PUDP: variants seen among roughly 807,000 people sequenced by gnomAD.
PUDP encodes the protein pseudouridine-5'-phosphatase.
In PUDP, 8 loss-of-function variants were observed where a neutral mutation model predicts 9.4. That is an observed-to-expected ratio of 0.85 (90% CI 0.50 to 1.53). The LOEUF (loss-of-function observed/expected upper bound fraction) is 1.53, where lower values mean the gene tolerates loss of function less well. PUDP is among the 40% of genes most tolerant of loss of function. The pLI, the probability that PUDP is intolerant of heterozygous loss-of-function variation, is 0.00. For synonymous variants in PUDP, 99 were observed against 80.7 expected (o/e 1.23, Z -1.22); for missense variants, 188 against 189.7 (o/e 0.99, Z 0.05).
chrX:6,832,539 T>C (rs11796502), intron 3 of PUDP, among the ~76,000 whole-genome samples: 35,963 of 110,955 alleles, frequency 0.32, 4,435 homozygotes, highest in African/African-American at 0.43. Context: ...TCTCAGAGTC[T>C]TCCATTTGGG....
chrX:6,801,809 C>T, intron 3 of PUDP, among the ~76,000 whole-genome samples: 1 of 111,888 alleles, frequency 8.9e-6, no homozygotes, highest in East Asian at 2.8e-4. Context: ...CTAAGGTACG[C>T]CCTGTTAGTA....
intron 1 of PUDP, among the ~76,000 whole-genome samples, chrX:6,997,537 T>C (rs1462259337): frequency 8.9e-6 from 1 of 112,773 alleles, no homozygotes. Flanking sequence ...GTGAAAAGCT[T>C]ACAATTTTTC....
chrX:7,071,309 T>C (rs1478825743), intron 3 of PUDP, among the ~76,000 whole-genome samples: 3 of 111,489 alleles, frequency 2.7e-5, no homozygotes, highest in Admixed American at 1.9e-4. Flanking sequence ...GGAAATCACA[T>C]TGGAATCACA....
chrX:6,992,672 C>T, intron 1 of PUDP, among the ~76,000 whole-genome samples: 1 of 111,224 alleles, frequency 9.0e-6, no homozygotes, highest in South Asian at 3.8e-4. Flanking sequence ...AGCTCCACCA[C>T]TCAACAGCGT....
chrX:7,055,223 A>C (rs970952521), intron 3 of PUDP, among the ~76,000 whole-genome samples: 1 of 111,063 alleles, frequency 9.0e-6, no homozygotes, highest in African/African-American at 3.3e-5. Flanking sequence ...ACCTATTAAA[A>C]ATGTCCCAAA....
At chrX:7,078,136 A>G (rs375207233) in intron 2 of PUDP, among the ~76,000 whole-genome samples, 7 of 112,156 alleles carry the variant, frequency 6.2e-5, no homozygotes, top group African/African-American at 1.9e-4. Context: ...GATTAACTAC[A>G]GGGACCACAC....
intron 3 of PUDP, among the ~76,000 whole-genome samples, chrX:6,917,056 C>A (rs1412362038): frequency 8.9e-6 from 1 of 112,001 alleles, no homozygotes. Context: ...TTATGGAAGA[C>A]CTGCCTTAAA....
At chrX:6,977,078 T>C (rs915478235) in intron 3 of PUDP, among the ~76,000 whole-genome samples, 2 of 112,136 alleles carry the variant, frequency 1.8e-5, no homozygotes, top group Non-Finnish European at 3.8e-5. Flanking sequence ...TCCCACATGT[T>C]TTACTAAATT....
At chrX:6,940,121 A>G (rs1428511813) in intron 3 of PUDP, among the ~76,000 whole-genome samples, 1 of 112,963 alleles carries the variant, frequency 8.9e-6, no homozygotes, top group Non-Finnish European at 1.9e-5. Flanking sequence ...CCTCTGTAAA[A>G]TAAGAATCTT....
chrX:6,958,502 G>A (rs977878448), intron 3 of PUDP, among the ~76,000 whole-genome samples: 1 of 111,386 alleles, frequency 9.0e-6, no homozygotes, highest in African/African-American at 3.3e-5. Flanking sequence ...CTAATTAAAT[G>A]GGGAGGAAAG....
intron 3 of PUDP, among the ~76,000 whole-genome samples, chrX:6,926,287 G>T (rs912696817): frequency 8.9e-6 from 1 of 112,055 alleles, no homozygotes; most frequent in African/African-American, 3.2e-5. Context: ...CACGAATTCC[G>T]CACCCGTAGC....
intron 1 of PUDP, among the ~76,000 whole-genome samples, chrX:6,988,344 C>A (rs1300498663): frequency 2.7e-5 from 3 of 111,458 alleles, no homozygotes; most frequent in African/African-American, 6.5e-5. Flanking sequence ...GGTCAGGCTG[C>A]TTATTCTCGT....
chrX:7,097,914 C>A (rs928686036), intron 2 of PUDP, among the ~76,000 whole-genome samples: 3 of 112,081 alleles, frequency 2.7e-5, no homozygotes, highest in Non-Finnish European at 5.6e-5. Context: ...GGCTTACTTA[C>A]AAGAGGAAGA....
At chrX:6,766,094 G>T (rs1185466663) in intron 3 of PUDP, among the ~76,000 whole-genome samples, 1 of 110,693 alleles carries the variant, frequency 9.0e-6, no homozygotes, top group African/African-American at 3.3e-5. Context: ...ATATTTTTCA[G>T]ATGCTTAAAA....
chrX:6,917,336 C>T (rs746300559), intron 3 of PUDP, among the ~76,000 whole-genome samples: 8 of 108,015 alleles, frequency 7.4e-5, no homozygotes, highest in Non-Finnish European at 1.9e-5. Context: ...AACTGCACTC[C>T]AGCCTAGGCA....
chrX:6,995,357 C>T (rs1232242207), intron 1 of PUDP, among the ~76,000 whole-genome samples: 3 of 111,618 alleles, frequency 2.7e-5, no homozygotes, highest in African/African-American at 9.8e-5. Context: ...ACCAAAATAT[C>T]GAAAGCCTTT....
Position 6,934,578 on chromosome X carries a change from C to A in PUDP, c.*247+42555G>T, listed in dbSNP as rs368736616. On this transcript the variant is annotated intron_variant and NMD_transcript_variant, in intron 3 of 3. Transcript: ENST00000655425. Reference sequence around the variant, plus strand: ...ACTAGGAAGAAATTGCATCGACTAACGAGCAAAATAACCAGCTAACATCAT... The same window carrying A: ...ACTAGGAAGAAATTGCATCGACTAAAGAGCAAAATAACCAGCTAACATCAT... Among the ~76,000 whole-genome samples, 13 of 108,574 alleles carry A rather than the reference C, an allele frequency of 1.2e-4. No homozygotes were observed. The East Asian group carries it at 3.8e-3, about 32-fold the overall frequency. The allele number at this position is 108,574 out of a possible 115,157, so 94.3% of individuals were successfully genotyped here. A position where few individuals can be genotyped will look rare whatever the true frequency, so the allele number is the denominator to read the frequency against.
At chrX:6,754,603 T>C (rs1256419263) in intron 3 of PUDP, among the ~76,000 whole-genome samples, 1 of 108,026 alleles carries the variant, frequency 9.3e-6, no homozygotes, top group Non-Finnish European at 1.9e-5. Flanking sequence ...AATTATGATA[T>C]TGAAATTGTA....
intron 3 of PUDP, among the ~76,000 whole-genome samples, chrX:6,939,303 T>C (rs767666818): frequency 9.3e-6 from 1 of 107,508 alleles, no homozygotes; most frequent in South Asian, 3.8e-4. Flanking sequence ...TTAGATTTAT[T>C]ATTCATCTAT....
Sources: allele counts gnomAD v4.1 joint callset (sites outside exome capture counted in the v4.1 genomes callset), GRCh38; gene constraint gnomAD v4.1.1; transcripts MANE v1.5; gene names NCBI Gene and HGNC (gene_info 2026-07-23, HGNC 2026-07-21).